ZNF831: variants seen among roughly 807,000 people sequenced by gnomAD.
ZNF831 encodes zinc finger protein 831.
A neutral mutation model predicts 95.8 loss-of-function variants in ZNF831; 59 were observed. That is an observed-to-expected ratio of 0.62 (90% CI 0.50 to 0.77). ZNF831 has a LOEUF of 0.77. Among genes scored for constraint, ZNF831 ranks in the 30% least tolerant of loss-of-function variants. The pLI, the probability that ZNF831 is intolerant of heterozygous loss-of-function variation, is 0.00. For synonymous variants in ZNF831, 961 were observed against 925.5 expected, an observed-to-expected ratio of 1.04 and a Z score of -0.70; for missense variants, 2,205 against 2,164.0, an observed-to-expected ratio of 1.02 and a Z score of -0.38.
chr20:59,196,061 T>A, intron 3 of ZNF831, 56 bp downstream of exon 3: 3 of 1,595,222 alleles, frequency 1.9e-6, no homozygotes, highest in Non-Finnish European at 2.6e-6. Flanking sequence ...GAATTTACTA[T>A]GGGATTTGAA....
At chr20:59,231,942 C>A (rs916650946) in intron 4 of ZNF831, among the ~76,000 whole-genome samples, 1 of 152,240 alleles carries the variant, frequency 6.6e-6, no homozygotes, top group African/African-American at 2.4e-5. Context: ...TTACACAGAA[C>A]AAGGCGTGAG....
chr20:59,148,371 G>A lies in ZNF831; in HGVS notation c.-1281+1997G>A, dbSNP rs552047078. ...GAAGCATCACCACTGCTACATTTCT[G>A]ATGTTCTGAAGATGGGTTAGAACAG... On this transcript the variant is annotated intron_variant, in intron 2 of 7. Transcript: ENST00000637017. Among the ~76,000 whole-genome samples the A allele has an allele frequency of 2.0e-5, 3 of 152,184 alleles. No homozygotes were observed. The East Asian group carries it at 5.8e-4, about 29-fold the overall frequency.
rs539730269 is a variant in ZNF831 at position 59,231,517 on chromosome 20, A to T, written c.4028-21461A>T. The stretch of plus-strand genomic sequence containing the variant: ...CCAGCACGGTGTAAAAAGTCAAGTT[A>T]AAAAAAAATGACAGACTTTTAAATT... On this transcript the variant is annotated intron_variant, in intron 4 of 5. Coordinates refer to ENST00000371030, the MANE Select transcript of ZNF831 (RefSeq NM_178457.3). Among the ~76,000 whole-genome samples the T allele has an allele frequency of 2.6e-3, 387 of 151,366 alleles. 2 individuals are homozygous for T. Among genetic ancestry groups the T allele is most frequent in the African/African-American group, 8.9e-3 (368 of 41,418 alleles).
chr20:59,202,383 C>A (rs899545915), intron 3 of ZNF831, among the ~76,000 whole-genome samples: 8 of 140,916 alleles, frequency 5.7e-5, no homozygotes, highest in Admixed American at 7.3e-5. Context: ...ACAATGACAA[C>A]CTATGAAGTC....
rs772220311 is a variant in ZNF831, at chr20:59,254,084, A to G, written c.4375A>G (p.Thr1459Ala). ...QLLASQDSVS[T>A]DPKPYIFSDA... ...GCTGGCCTCCCAGGATTCAGTCTCA[A>G]CAGATCCCAAACCATACATCTTCTC... Residue 1459 changes from threonine to alanine, a missense_variant, in exon 6 of 6, where the codon ACA becomes GCA. Physicochemically the swap from Thr to Ala is moderately conservative, Grantham distance 58 (BLOSUM62 0). Transcript: ENST00000371030. The surrounding 1 kb of genome is among the most constrained non-coding windows in gnomAD (Gnocchi z 4.5). 3 of 1,614,028 alleles carry G rather than the reference A, an allele frequency of 1.9e-6. No homozygotes were observed. Among genetic ancestry groups the G allele is most frequent in the African/African-American group, 1.3e-5 (1 of 74,892 alleles).
intron 1 of ZNF831, among the ~76,000 whole-genome samples, chr20:59,186,582 G>T (rs1000567419): frequency 1.3e-5 from 2 of 152,192 alleles, no homozygotes; most frequent in Non-Finnish European, 2.9e-5. Context: ...TAGCAAGATG[G>T]TTAAGCAGAG....
intron 1 of ZNF831, among the ~76,000 whole-genome samples, chr20:59,167,740 A>G (rs1981396589): frequency 6.6e-6 from 1 of 152,072 alleles, no homozygotes; most frequent in Non-Finnish European, 1.5e-5. Flanking sequence ...TCTCTACAGA[A>G]CTGCTTTCAA....
In ZNF831 at chr20:59,190,983, G is replaced by A. The variant is rs2146541236; in HGVS notation, c.-36-1G>A. On this transcript the variant is annotated splice_acceptor_variant, in intron 1 of 5. Coordinates refer to ENST00000371030, the MANE Select transcript of ZNF831 (RefSeq NM_178457.3). LOFTEE classifies it low-confidence loss of function (5UTR_SPLICE). ...TGGTAAAGTTTGGTTGTTGTCTGCA[G>A]GTTTTCCAGCATTGTGGGCCATCCA... is the stretch of plus-strand genomic sequence containing the variant. 1 of 1,465,798 alleles carries A rather than the reference G, an allele frequency of 6.8e-7. No homozygotes were observed. Among genetic ancestry groups the A allele is most frequent in the Non-Finnish European group, 8.9e-7 (1 of 1,117,830 alleles). 90.8% of individuals were successfully genotyped at this position (1,465,798 alleles called of 1,614,324 possible).
chr20:59,240,366 A>C (rs1030967700), intron 4 of ZNF831, among the ~76,000 whole-genome samples: 3 of 152,220 alleles, frequency 2.0e-5, no homozygotes, highest in Non-Finnish European at 4.4e-5. Flanking sequence ...GAGTGGTAGA[A>C]TAGAATCCTT....
chr20:59,196,767 C>T (rs1009453966), intron 3 of ZNF831, among the ~76,000 whole-genome samples: 13 of 152,062 alleles, frequency 8.5e-5, no homozygotes, highest in Non-Finnish European at 2.9e-5. Context: ...CATTCTCCCC[C>T]AGACTGTCAG....
intron 4 of ZNF831, among the ~76,000 whole-genome samples, chr20:59,236,071 C>T (rs1986983898): frequency 6.6e-6 from 1 of 152,222 alleles, no homozygotes; most frequent in African/African-American, 2.4e-5. Context: ...CTGTCAGTCC[C>T]TTGCCTTCTG....
chr20:59,166,583 C>A (rs1601321566), intron 1 of ZNF831, among the ~76,000 whole-genome samples: 1 of 151,964 alleles, frequency 6.6e-6, no homozygotes, highest in African/African-American at 2.4e-5. Flanking sequence ...CTCTCTCTCT[C>A]CCCCCCAACC....
intron 3 of ZNF831, among the ~76,000 whole-genome samples, chr20:59,201,453 C>A (rs1360247591): frequency 6.6e-6 from 1 of 152,010 alleles, no homozygotes; most frequent in Non-Finnish European, 1.5e-5. Context: ...TTAGTAGCAT[C>A]TTTTAAAAAG....
chr20:59,163,528 C>A (rs139149454), upstream of ZNF831, among the ~76,000 whole-genome samples: 357 of 152,260 alleles, frequency 2.3e-3, 3 homozygotes, highest in African/African-American at 8.2e-3. Context: ...GGAGGTTCTG[C>A]AAACACTTGT....
intron 1 of ZNF831, among the ~76,000 whole-genome samples, chr20:59,138,286 G>A (rs1979574354): frequency 6.6e-6 from 1 of 152,174 alleles, no homozygotes. Flanking sequence ...GGATGAAGCT[G>A]TGGCTTCTGG....
chr20:59,222,295 C>CG (rs1986132008), intron 4 of ZNF831, among the ~76,000 whole-genome samples: 3 of 152,048 alleles, frequency 2.0e-5, no homozygotes, highest in Admixed American at 2.0e-4. Context: ...GGGCGGGCGG[C>CG]GGGGTGGGTG....
chr20:59,182,262 A>C (rs1410261262), intron 1 of ZNF831, among the ~76,000 whole-genome samples: 1 of 152,242 alleles, frequency 6.6e-6, no homozygotes, highest in South Asian at 2.1e-4. Context: ...TCTCAGGCAG[A>C]TCAAGGTAAT....
chr20:59,253,793 G>T (rs2146759284), intron 5 of ZNF831, 105 bp from the exon 6 acceptor site: 1 of 1,294,644 alleles, frequency 7.7e-7, no homozygotes, highest in South Asian at 1.5e-5. Context: ...GAATCATTAA[G>T]ACCTCAAGAC....
chr20:59,151,006 A>AG (rs1332421542), intron 2 of ZNF831, among the ~76,000 whole-genome samples: 1 of 152,212 alleles, frequency 6.6e-6, no homozygotes, highest in Non-Finnish European at 1.5e-5. Flanking sequence ...CCCAGATGGG[A>AG]GACCCATGAG....
Sources: allele counts gnomAD v4.1 joint callset (sites outside exome capture counted in the v4.1 genomes callset), GRCh38; gene constraint gnomAD v4.1.1; non-coding constraint Gnocchi (gnomAD v3.1); transcripts MANE v1.5; gene names NCBI Gene and HGNC (gene_info 2026-07-23, HGNC 2026-07-21).